NEGR1: variants seen among roughly 807,000 people sequenced by gnomAD.
The protein encoded by NEGR1 is neuronal growth regulator 1.
In NEGR1, 10 loss-of-function variants were observed where a neutral mutation model predicts 40.9. That is an observed-to-expected ratio of 0.24 (90% CI 0.15 to 0.42). The LOEUF is 0.42. Ranked by LOEUF, NEGR1 falls within the 10% of genes least tolerant of loss-of-function variation. NEGR1 has a pLI of 1.00. For missense variants in NEGR1, 352 were observed against 438.9 expected, an observed-to-expected ratio of 0.80 and a Z score of 1.77; for synonymous variants, 185 against 166.8, an observed-to-expected ratio of 1.11 and a Z score of -0.84.
In NEGR1 at chr1:71,761,725, A is replaced by G. The variant is rs527543365; in HGVS notation, c.535+14447T>C. On this transcript the variant is annotated intron_variant, in intron 3 of 6. Coordinates refer to ENST00000357731, the MANE Select transcript of NEGR1 (RefSeq NM_173808.3). ...AACTTAACCAAAATATCCTTCAGAA[A>G]TAAAGAAAAAATTAAAACATTCTCC... Among the ~76,000 whole-genome samples the G allele has an allele frequency of 3.9e-5, 6 of 152,278 alleles. No individual in the cohort carries two copies. The East Asian group carries it at 1.2e-3, about 29-fold the overall frequency.
intron 2 of NEGR1, among the ~76,000 whole-genome samples, chr1:71,881,488 C>T (rs1660583097): frequency 6.6e-6 from 1 of 152,036 alleles, no homozygotes; most frequent in African/African-American, 2.4e-5. Flanking sequence ...CAGATTTCTA[C>T]ATCTACATTT....
At chr1:72,185,172 A>G (rs1180288076) in intron 1 of NEGR1, among the ~76,000 whole-genome samples, 1 of 151,788 alleles carries the variant, frequency 6.6e-6, no homozygotes, top group Non-Finnish European at 1.5e-5. Flanking sequence ...TTCTTCCTCA[A>G]TTATTGCTAT....
chr1:72,236,806 G>C (rs1386339151), intron 1 of NEGR1, among the ~76,000 whole-genome samples: 1 of 151,854 alleles, frequency 6.6e-6, no homozygotes, highest in Non-Finnish European at 1.5e-5. Flanking sequence ...TAAAATTTTA[G>C]TTTAGATATA....
intron 4 of NEGR1, among the ~76,000 whole-genome samples, chr1:71,637,703 G>A (rs533531880): frequency 6.6e-6 from 1 of 151,860 alleles, no homozygotes; most frequent in South Asian, 2.1e-4. Flanking sequence ...ATGAGGAGGA[G>A]AATAAAAGTA....
chr1:71,771,386 G>C (rs181873313), intron 3 of NEGR1, among the ~76,000 whole-genome samples: 7 of 152,104 alleles, frequency 4.6e-5, no homozygotes, highest in Admixed American at 4.6e-4. Context: ...ACCATGGCAT[G>C]TGTATACCTA....
At chr1:71,697,661 A>C (rs1653524380) in intron 4 of NEGR1, among the ~76,000 whole-genome samples, 2 of 151,806 alleles carry the variant, frequency 1.3e-5, no homozygotes, top group South Asian at 4.1e-4. Flanking sequence ...ACGCACTTAA[A>C]TTTAGTGTTA....
rs150809949 is a variant in NEGR1 at position 71,601,779 on chromosome 1, GAA to G, written c.789-8813_789-8812del. Among the ~76,000 whole-genome samples, 55 of 152,154 alleles carry G rather than the reference GAA, an allele frequency of 3.6e-4. No homozygotes were observed. In the East Asian group the frequency reaches 9.9e-3, roughly 27 times the overall value. Reference sequence around the variant, plus strand: ...ATGGGTACACATGGACATAAAAATGGAAAATAGACACTGAGGATTCCAAAAGT... The same window carrying G: ...ATGGGTACACATGGACATAAAAATGGAATAGACACTGAGGATTCCAAAAGT... On this transcript the variant is annotated intron_variant, in intron 5 of 6. Transcript: ENST00000357731.
At chr1:72,181,331 C>A (rs988015039) in intron 1 of NEGR1, among the ~76,000 whole-genome samples, 2 of 152,086 alleles carry the variant, frequency 1.3e-5, no homozygotes, top group Non-Finnish European at 2.9e-5. Context: ...TCTTTATTCT[C>A]TTCAATTGTC....
intron 6 of NEGR1, among the ~76,000 whole-genome samples, chr1:71,572,341 G>A (rs1196549024): frequency 1.3e-5 from 2 of 152,152 alleles, no homozygotes; most frequent in African/African-American, 2.4e-5. Flanking sequence ...CAGCTGAAAC[G>A]TAAGGCTCTG....
intron 2 of NEGR1, among the ~76,000 whole-genome samples, chr1:71,918,216 C>CAAAAAAAAAAAAAAAAAA (rs1159908343): frequency 1.2e-4 from 3 of 24,752 alleles, no homozygotes; most frequent in Non-Finnish European, 2.1e-4. Context: ...GACTCTGTCT[C>CAAAAAAAAAAAAAAAAAA]AAAAAAAAAA....
chr1:71,666,051 G>A lies in NEGR1; in HGVS notation c.667+31957C>T, dbSNP rs575455393. On this transcript the variant is annotated intron_variant, in intron 4 of 6. Transcript: ENST00000357731. ...CTACCTTCAAGAAGTTAACGGTTTA[G>A]TCAACTGTCTCATTCCATGTTACCC... Among the ~76,000 whole-genome samples, 3 of 152,264 alleles carry A rather than the reference G, an allele frequency of 2.0e-5. No homozygotes were observed. In the South Asian group the frequency reaches 6.2e-4, roughly 32 times the overall value.
intron 2 of NEGR1, among the ~76,000 whole-genome samples, chr1:71,779,714 C>A (rs542533723): frequency 1.1e-4 from 17 of 151,844 alleles, no homozygotes; most frequent in Non-Finnish European, 2.2e-4. Flanking sequence ...ATTACAGGCG[C>A]CTGCCACTGC....
intron 1 of NEGR1, among the ~76,000 whole-genome samples, chr1:71,953,272 G>T (rs1158535233): frequency 6.6e-6 from 1 of 151,870 alleles, no homozygotes; most frequent in African/African-American, 2.4e-5. Context: ...GAGAATATTC[G>T]TAATTCATGA....
chr1:71,704,415 A>G (rs1452095304), intron 3 of NEGR1, among the ~76,000 whole-genome samples: 2 of 152,002 alleles, frequency 1.3e-5, no homozygotes, highest in African/African-American at 4.8e-5. Flanking sequence ...AATAAAGAAC[A>G]AAAAGAGATG....
intron 2 of NEGR1, among the ~76,000 whole-genome samples, chr1:71,879,197 A>C (rs1035937446): frequency 6.6e-6 from 1 of 152,112 alleles, no homozygotes; most frequent in Non-Finnish European, 1.5e-5. Flanking sequence ...CCATCAAAAA[A>C]AATTATACAA....
At chr1:72,241,143 T>C (rs921048742) in intron 1 of NEGR1, among the ~76,000 whole-genome samples, 2 of 151,788 alleles carry the variant, frequency 1.3e-5, no homozygotes, top group Non-Finnish European at 2.9e-5. Context: ...CATTTTTCAA[T>C]GGTATTTCTG....
rs150997861 is a variant in NEGR1, at chr1:72,242,716, C to T, written c.176+39603G>A. Among the ~76,000 whole-genome samples the T allele has an allele frequency of 5.2e-3, 795 of 151,662 alleles. 7 individuals carry two copies. Among genetic ancestry groups the T allele is most frequent in the African/African-American group, 0.017 (721 of 41,488 alleles). ...TTACATGTGTTCTTTAATTTAATCC[C>T]ACCACAAAGCTATGTACTACTTTAT... On this transcript the variant is annotated intron_variant, in intron 1 of 6. Coordinates refer to ENST00000357731, the MANE Select transcript of NEGR1 (RefSeq NM_173808.3).
chr1:72,018,312 C>T (rs764211155), intron 1 of NEGR1, among the ~76,000 whole-genome samples: 7 of 152,064 alleles, frequency 4.6e-5, no homozygotes, highest in Non-Finnish European at 8.8e-5. Context: ...AACTCATAGC[C>T]TATTGAGTGG....
At chr1:71,692,244 T>A (rs926146885) in intron 4 of NEGR1, among the ~76,000 whole-genome samples, 4 of 151,780 alleles carry the variant, frequency 2.6e-5, no homozygotes, top group Non-Finnish European at 5.9e-5. Flanking sequence ...AAGACAACTC[T>A]ATGCCTTTTT....
Sources: allele counts gnomAD v4.1 joint callset (sites outside exome capture counted in the v4.1 genomes callset), GRCh38; gene constraint gnomAD v4.1.1; transcripts MANE v1.5; gene names NCBI Gene and HGNC (gene_info 2026-07-23, HGNC 2026-07-21).